Variants in ZNF99 observed in about 807,000 individuals in gnomAD.
The protein encoded by ZNF99 is zinc finger protein 99.
ZNF99 carries 8 observed loss-of-function variants against 12.8 expected under a neutral mutation model. The ratio of observed to expected loss-of-function variants is 0.62; its 90% CI spans 0.37 to 1.13. The LOEUF is 1.13. Among genes scored for constraint, ZNF99 ranks in the 50% most tolerant of loss-of-function variants. The probability of loss-of-function intolerance (pLI) is 0.02; values close to 1 mark genes in which losing one functional copy is unlikely to be tolerated. For synonymous variants in ZNF99, 318 were observed against 319.0 expected, an observed-to-expected ratio of 1.00 and a Z score of 0.03; for missense variants, 1,007 against 1,006.2, an observed-to-expected ratio of 1.00 and a Z score of -0.01.
At chr19:22,778,651 G>T (rs1214101431) in intron 1 of ZNF99, among the ~76,000 whole-genome samples, 1 of 152,132 alleles carries the variant, frequency 6.6e-6, no homozygotes, top group Non-Finnish European at 1.5e-5. Flanking sequence ...ACATTTATCA[G>T]TTTATTAGAA....
At position 22,758,108 on chromosome 19, in the gene ZNF99, C is replaced by T; in HGVS notation, c.1801G>A (p.Ala601Thr). 6.2e-7 allele frequency: 1 copy of T among 1,609,888 alleles called. No homozygotes were observed. The change falls in exon 4 of 4, where the codon GCT (alanine) becomes ACT (threonine). Residue 601 changes from alanine (A) to threonine (T), a missense_variant. By Grantham distance (58) the Ala-to-Thr change is moderately conservative. Transcript: ENST00000596209. ...CTAAGGGCTGAGAAGTGGTTAAAAG[C>T]TTTGCCACATTCTTCACATTTGTAG... ...KPYKCEECGK[A>T]FNHFSALRKH...
chr19:22,776,354 T>TAA (rs572280017), intron 1 of ZNF99, among the ~76,000 whole-genome samples: 8,508 of 82,038 alleles, frequency 0.1, 1,375 homozygotes, highest in African/African-American at 0.3. Context: ...TCATCTCAAT[T>TAA]AAAAAAAAAA....
chr19:22,781,139 A>G (rs1177369635), intron 1 of ZNF99, among the ~76,000 whole-genome samples: 1 of 152,152 alleles, frequency 6.6e-6, no homozygotes, highest in East Asian at 1.9e-4. Context: ...TTGGTTAAGT[A>G]TTTTCTTACC....
Position 22,756,258 on chromosome 19 carries a change from G to A in ZNF99, c.*1056C>T. ...TTATGTTTAGTAAGGGCTGAAAGAT[G>A]GTTAAAAGCTTTGCCACATTCTTCA... is the stretch of plus-strand genomic sequence containing the variant. On this transcript the variant is annotated 3_prime_UTR_variant, in exon 4 of 4. Coordinates refer to ENST00000596209, the MANE Select transcript of ZNF99 (RefSeq NM_001080409.3). 1 of 1,559,954 alleles carries A rather than the reference G, an allele frequency of 6.4e-7. No individual in the cohort carries two copies. Among genetic ancestry groups the A allele is most frequent in the Admixed American group, 1.7e-5 (1 of 58,018 alleles).
chr19:22,769,777 A>G, intron 1 of ZNF99: 1 of 1,086,650 alleles, frequency 9.2e-7, no homozygotes, highest in Non-Finnish European at 1.2e-6. Context: ...AAAAAAATAA[A>G]GAAAAGAAAA....
chr19:22,774,635 C>A (rs1180903694), intron 1 of ZNF99, among the ~76,000 whole-genome samples: 1 of 151,986 alleles, frequency 6.6e-6, no homozygotes, highest in Admixed American at 6.6e-5. Context: ...TTTGGGAGGC[C>A]GAGGTGGGTA....
chr19:22,779,755 G>A (rs540435822), intron 1 of ZNF99, among the ~76,000 whole-genome samples: 2 of 151,736 alleles, frequency 1.3e-5, no homozygotes, highest in East Asian at 3.9e-4. Context: ...CCCTCCATTC[G>A]CCATCCCCTC....
At chr19:22,769,029 CAA>C (rs34074141) in intron 2 of ZNF99, among the ~76,000 whole-genome samples, 167 bp downstream of exon 2, 21 of 106,042 alleles carry the variant, frequency 2.0e-4, no homozygotes, top group Non-Finnish European at 1.9e-4. Context: ...AACTCTGTTT[CAA>C]AAAAAAAAAA....
At chr19:22,775,293 A>G (rs970397561) in intron 1 of ZNF99, among the ~76,000 whole-genome samples, 10 of 152,322 alleles carry the variant, frequency 6.6e-5, no homozygotes, top group African/African-American at 1.7e-4. Context: ...GACAAAACTA[A>G]TAAGAGGAAT....
At chr19:22,767,373 A>T (rs1394511532) in intron 3 of ZNF99, among the ~76,000 whole-genome samples, 6 of 152,212 alleles carry the variant, frequency 3.9e-5, no homozygotes, top group Admixed American at 2.0e-4. Flanking sequence ...ACAAGAGACC[A>T]ATTTTAGCAC....
intron 1 of ZNF99, among the ~76,000 whole-genome samples, chr19:22,778,158 A>T (rs1467369215): frequency 5.6e-5 from 8 of 144,004 alleles, no homozygotes; most frequent in South Asian, 2.2e-4. Flanking sequence ...AACTTAAATT[A>T]AAAAAAAAAA....
At position 22,752,458 on chromosome 19, in the gene ZNF99, G is replaced by C. The variant is rs1160471922; in HGVS notation, c.*4856C>G. 1 of 150,272 alleles carries C rather than the reference G, an allele frequency of 6.7e-6. No individual in the cohort carries two copies. Among genetic ancestry groups the C allele is most frequent in the Admixed American group, 6.6e-5 (1 of 15,090 alleles). The allele number at this position is 150,272 out of a possible 1,614,324, so 9.3% of individuals were successfully genotyped here. On this transcript the variant is annotated 3_prime_UTR_variant, in exon 4 of 4. Coordinates refer to ENST00000596209, the MANE Select transcript of ZNF99 (RefSeq NM_001080409.3). ...TACCCATAAAAGTTAAGAAAAATAA[G>C]TTTAAATTTGTCAAGGCAAAAAAAA...
intron 3 of ZNF99, among the ~76,000 whole-genome samples, chr19:22,766,395 G>A (rs1421924407): frequency 1.3e-5 from 2 of 148,946 alleles, no homozygotes; most frequent in Non-Finnish European, 3.0e-5. Context: ...GGTGGAGTGC[G>A]GTGGCACGAT....
chr19:22,766,737 C>T (rs1973208595), intron 3 of ZNF99, among the ~76,000 whole-genome samples: 1 of 151,408 alleles, frequency 6.6e-6, no homozygotes, highest in Non-Finnish European at 1.5e-5. Context: ...CCACAACCTC[C>T]GCCTCCCGGG....
intron 1 of ZNF99, among the ~76,000 whole-genome samples, chr19:22,773,455 T>G (rs1973293957): frequency 6.6e-6 from 1 of 152,162 alleles, no homozygotes; most frequent in South Asian, 2.1e-4. Flanking sequence ...AGTAGAAAAT[T>G]TATAGCACCA....
chr19:22,774,361 C>T (rs1485764285), intron 1 of ZNF99: 1 of 152,908 alleles, frequency 6.5e-6, no homozygotes, highest in African/African-American at 2.4e-5. Context: ...TCTCTCATCT[C>T]CTAGCCATTG....
Position 22,757,564 on chromosome 19 carries a change from A to G in ZNF99, c.2345T>C (p.Ile782Thr). Residue 782 changes from isoleucine (I) to threonine (T), a missense_variant, in exon 4 of 4, where the codon ATT becomes ACT. Transcript: ENST00000596209. Reference protein sequence around the residue: ...HFSALRKHKIIHTGKKPYKCE... With the variant: ...HFSALRKHKITHTGKKPYKCE... ...TTTATAGGGTTTCTTTCCAGTATGA[A>G]TTATCTTATGTTTTCTAAGGGCTGA... The G allele has an allele frequency of 6.2e-7, 1 of 1,610,996 alleles. No homozygotes were observed. Among genetic ancestry groups the G allele is most frequent in the South Asian group, 1.1e-5 (1 of 91,012 alleles).
chr19:22,781,731 A>G (rs1973390123), intron 1 of ZNF99, among the ~76,000 whole-genome samples: 1 of 151,970 alleles, frequency 6.6e-6, no homozygotes, highest in South Asian at 2.1e-4. Context: ...TACACTCCAC[A>G]CCTCAGGTTG....
chr19:22,762,119 GA>G (rs149524674), intron 3 of ZNF99, among the ~76,000 whole-genome samples: 2 of 147,662 alleles, frequency 1.4e-5, no homozygotes, highest in Non-Finnish European at 1.5e-5. Flanking sequence ...CCCAGAAGAA[GA>G]AAAAAAAATA....
Sources: gnomAD v4.1 joint callset for allele counts (sites outside exome capture counted in the v4.1 genomes callset) on GRCh38, gnomAD v4.1.1 for gene constraint, MANE v1.5 for transcripts, NCBI Gene and HGNC (gene_info 2026-07-23, HGNC 2026-07-21) for gene names.